Variants in CHST15 observed in about 807,000 individuals in gnomAD.
The protein encoded by CHST15 is B cell RAG associated protein (GALNAC4S-6ST).
In CHST15, 30 loss-of-function variants were observed where a neutral mutation model predicts 53.6. That is an observed-to-expected ratio of 0.56 (90% CI 0.42 to 0.76). The LOEUF (loss-of-function observed/expected upper bound fraction) is 0.76, where lower values mean the gene tolerates loss of function less well. Ranked by LOEUF, CHST15 falls within the 30% of genes least tolerant of loss-of-function variation. The pLI is 0.00. For synonymous variants in CHST15, 296 were observed against 289.8 expected (o/e 1.02, Z -0.22); for missense variants, 627 against 740.5 (o/e 0.85, Z 1.78).
Position 124,009,219 on chromosome 10 carries a change from T to C in CHST15, c.*930A>G. 4 of 1,129,138 alleles carry C rather than the reference T, an allele frequency of 3.5e-6. No homozygotes were observed. The allele number at this position is 1,129,138 out of a possible 1,614,324, so 69.9% of individuals were successfully genotyped here. A position where few individuals can be genotyped will look rare whatever the true frequency, so the allele number is the denominator to read the frequency against. On this transcript the variant is annotated 3_prime_UTR_variant, in exon 8 of 8. Transcript: ENST00000435907. ...ATGAGGGCTTGAATTACCTAGATTTTCCAAGAAGTGTTCAATTCCTTGAGG... is the reference window on the plus strand; with the variant it reads ...ATGAGGGCTTGAATTACCTAGATTTCCCAAGAAGTGTTCAATTCCTTGAGG...
chr10:124,015,579 G>A (rs934102225), intron 6 of CHST15, among the ~76,000 whole-genome samples: 9 of 151,874 alleles, frequency 5.9e-5, no homozygotes, highest in African/African-American at 1.7e-4. Context: ...GTACCAGGCC[G>A]AGCCTCTCCG....
At chr10:124,049,539 C>G (rs1039560337) in intron 1 of CHST15, among the ~76,000 whole-genome samples, 1 of 152,176 alleles carries the variant, frequency 6.6e-6, no homozygotes, top group South Asian at 2.1e-4. Flanking sequence ...ACCAATCAGG[C>G]CTTTGTAATG....
At chr10:124,090,084 G>A (rs1949561519) in intron 1 of CHST15, among the ~76,000 whole-genome samples, 1 of 152,180 alleles carries the variant, frequency 6.6e-6, no homozygotes, top group Non-Finnish European at 1.5e-5. Flanking sequence ...GGCCCACAAT[G>A]GGTGTGGCTC....
chr10:124,092,581 CGG>C (rs1272160365), intron 1 of CHST15: 1 of 152,452 alleles, frequency 6.6e-6, no homozygotes, highest in African/African-American at 2.4e-5. Flanking sequence ...TTCCCTGAAC[CGG>C]GTCCCACGGG....
rs200585138 is a variant in CHST15 at position 124,021,223 on chromosome 10, A to G, written c.1347+33T>C. The G allele has an allele frequency of 3.4e-4, 186 of 543,980 alleles. No homozygotes were observed. The East Asian group carries it at 0.01, about 30-fold the overall frequency. The allele number at this position is 543,980 out of a possible 1,614,324, so 33.7% of individuals were successfully genotyped here. ...AAACCAGCTCCTTCTGCCAGGGGCC[A>G]GCTCGGGGGGTACGGGGGGGGGGGG... On this transcript the variant is annotated intron_variant, in intron 6 of 7. Transcript: ENST00000435907.
intron 7 of CHST15, chr10:124,010,553 G>C (rs1946382025): frequency 1.0e-6 from 1 of 985,350 alleles, no homozygotes; most frequent in Admixed American, 6.1e-5. Flanking sequence ...ATTCTGCGGC[G>C]GGTGCAGGAT....
chr10:124,024,340 A>G lies in CHST15; in HGVS notation c.1191-2928T>C, dbSNP rs552640782. Among the ~76,000 whole-genome samples the G allele has an allele frequency of 1.5e-3, 229 of 152,354 alleles. 2 individuals carry two copies. Among genetic ancestry groups the G allele is most frequent in the Non-Finnish European group, 2.8e-3 (190 of 68,028 alleles). ...CCACCTCCGTAGCCCACCTTGGCAC[A>G]TCGGGTGCCTCTGACACAGCCCTCT... On this transcript the variant is annotated intron_variant, in intron 5 of 7. Transcript: ENST00000435907. The surrounding 1 kb of genome is among the most constrained non-coding windows in gnomAD (Gnocchi z 4.0).
intron 7 of CHST15, chr10:124,011,536 G>A (rs1590170244): frequency 2.0e-6 from 2 of 985,478 alleles, no homozygotes; most frequent in South Asian, 9.4e-5. Context: ...AGTCAGGGCT[G>A]CAGGAGGCGT....
At position 124,035,269 on chromosome 10, in the gene CHST15, CT is replaced by C. The variant is rs375237068; in HGVS notation, c.1190+3245del. Among the ~76,000 whole-genome samples, 26 of 146,644 alleles carry C rather than the reference CT, an allele frequency of 1.8e-4. No homozygotes were observed. In the East Asian group the frequency reaches 5.2e-3, roughly 30 times the overall value. The stretch of plus-strand genomic sequence containing the variant: ...CCTAACAGGGACCCTGGCTCCACCC[CT>C]AACAGGGACCCTGGCTCTACCCCTG... On this transcript the variant is annotated intron_variant, in intron 5 of 7. Coordinates refer to ENST00000435907, the MANE Select transcript of CHST15 (RefSeq NM_001270764.2).
intron 1 of CHST15, among the ~76,000 whole-genome samples, chr10:124,068,226 A>G (rs1305994004): frequency 6.6e-6 from 1 of 152,176 alleles, no homozygotes; most frequent in Non-Finnish European, 1.5e-5. Context: ...GCAGAGTGGC[A>G]GTTACCAGGA....
At chr10:124,080,569 G>A (rs2134209550) in intron 1 of CHST15, among the ~76,000 whole-genome samples, 1 of 152,320 alleles carries the variant, frequency 6.6e-6, no homozygotes, top group Non-Finnish European at 1.5e-5. Flanking sequence ...AACAGCATGG[G>A]GTACACAGCA....
chr10:124,061,705 G>C (rs577468553), intron 1 of CHST15, among the ~76,000 whole-genome samples: 2 of 152,306 alleles, frequency 1.3e-5, no homozygotes, highest in South Asian at 4.1e-4. Flanking sequence ...ACAAAAAATG[G>C]TGTGGCAAAT....
intron 5 of CHST15, among the ~76,000 whole-genome samples, chr10:124,021,835 T>C (rs926553978): frequency 1.3e-5 from 2 of 152,220 alleles, no homozygotes; most frequent in African/African-American, 4.8e-5. Flanking sequence ...AGAGCATCTG[T>C]TGCTCTCACA....
At chr10:124,028,585 AT>A (rs1947101429) in intron 5 of CHST15, among the ~76,000 whole-genome samples, 1 of 152,226 alleles carries the variant, frequency 6.6e-6, no homozygotes, top group African/African-American at 2.4e-5. Context: ...CATCACCCTG[AT>A]GAGCGACTGC....
At chr10:124,057,791 A>G (rs1235957084) in intron 1 of CHST15, among the ~76,000 whole-genome samples, 5 of 152,092 alleles carry the variant, frequency 3.3e-5, no homozygotes, top group Non-Finnish European at 4.4e-5. Context: ...TCTTTTTCCT[A>G]TTCTGTGATA....
chr10:124,022,049 G>A (rs112328534), intron 5 of CHST15, among the ~76,000 whole-genome samples: 322 of 152,312 alleles, frequency 2.1e-3, no homozygotes, highest in Non-Finnish European at 3.7e-3. Flanking sequence ...CCACACACAC[G>A]TATGGCAGAA....
chr10:124,019,443 T>TA lies in CHST15; in HGVS notation c.1347+1812dup, dbSNP rs1946695610. ...CTGTGCTGGTCAAGCCACACACAAA[T>TA]AGAGTTTCTCCGAGACCCTGTGTCC... On this transcript the variant is annotated intron_variant, in intron 6 of 7. Transcript: ENST00000435907. The surrounding 1 kb of genome is among the most constrained non-coding windows in gnomAD (Gnocchi z 4.6). Among the ~76,000 whole-genome samples the TA allele has an allele frequency of 1.3e-5, 2 of 152,166 alleles. No individual in the cohort carries two copies. The highest frequency in any genetic ancestry group is 1.3e-4 in the Admixed American group (2 of 15,304).
At chr10:124,045,129 A>AACAAAAAC (rs1947935002) in intron 2 of CHST15, among the ~76,000 whole-genome samples, 2 of 148,184 alleles carry the variant, frequency 1.3e-5, no homozygotes, top group African/African-American at 5.0e-5. Flanking sequence ...AAAAAAAAAA[A>AACAAAAAC]AAAAAAAAAA....
rs1426247014 is a variant in CHST15, at chr10:124,038,548, C to T, written c.1157G>A (p.Arg386Lys). ...AGGGTCCCTGAGCATGACAATCAGT[C>T]TGGCATTTGGCTGAAAGGCGTGGAT... Reference protein sequence around the residue: ...DFIHAFQPNARLIVMLRDPVE... With the variant: ...DFIHAFQPNAKLIVMLRDPVE... Residue 386 changes from arginine to lysine, a missense_variant, in exon 5 of 8, where the codon AGA becomes AAA. Physicochemically the swap from Arg to Lys is conservative, Grantham distance 26. This residue lies in a region of CHST15 where 279 missense variants were observed against 371.6 expected (regional missense o/e 0.75). Transcript: ENST00000435907. 6.2e-7 allele frequency: 1 copy of T among 1,614,234 alleles called. No homozygotes were observed. Among genetic ancestry groups the T allele is most frequent in the Non-Finnish European group, 8.5e-7 (1 of 1,180,048 alleles).
Sources: allele counts gnomAD v4.1 joint callset (sites outside exome capture counted in the v4.1 genomes callset), GRCh38; gene constraint gnomAD v4.1.1; regional missense constraint gnomAD v4.1.1; non-coding constraint Gnocchi (gnomAD v3.1); transcripts MANE v1.5; gene names NCBI Gene and HGNC (gene_info 2026-07-23, HGNC 2026-07-21).